Variants in SNX16 observed in about 807,000 individuals in gnomAD.
SNX16 encodes sorting nexin-16.
A neutral mutation model predicts 36.7 loss-of-function variants in SNX16; 35 were observed. The observed-to-expected ratio is 0.95, with a 90% CI of 0.73 to 1.27. SNX16 has a LOEUF of 1.27. Ranked by LOEUF, SNX16 falls within the 50% of genes most tolerant of loss-of-function variation. The probability of loss-of-function intolerance (pLI) is 0.00; values close to 1 mark genes in which losing one functional copy is unlikely to be tolerated. For synonymous variants in SNX16, 134 were observed against 132.0 expected, an observed-to-expected ratio of 1.02 and a Z score of -0.10; for missense variants, 367 against 393.6, an observed-to-expected ratio of 0.93 and a Z score of 0.57.
At chr8:81,808,688 C>T (rs555465969) in intron 5 of SNX16, 115 of 1,021,122 alleles carry the variant, frequency 1.1e-4, no homozygotes, top group African/African-American at 1.1e-3. Context: ...GTGGCTATGG[C>T]GGTTCCAGGA....
intron 2 of SNX16, 132 bp downstream of exon 2, chr8:81,839,480 G>T: frequency 1.0e-6 from 1 of 955,178 alleles, no homozygotes; most frequent in Non-Finnish European, 1.5e-6. Context: ...GAATTCAGTG[G>T]TGTAAAAACC....
intron 1 of SNX16, among the ~76,000 whole-genome samples, chr8:81,841,343 A>AG (rs992423085): frequency 1.4e-5 from 2 of 146,380 alleles, no homozygotes; most frequent in African/African-American, 5.1e-5. Flanking sequence ...CTCCGTCTCA[A>AG]AAAAAAAAAA....
intron 7 of SNX16, 99 bp from the exon 8 acceptor site, chr8:81,801,692 G>C: frequency 3.3e-6 from 2 of 603,868 alleles, no homozygotes; most frequent in Non-Finnish European, 5.2e-6. Context: ...CTACCTTATA[G>C]AAAATTTACA....
intron 5 of SNX16, among the ~76,000 whole-genome samples, chr8:81,806,963 CT>C (rs563397256): frequency 2.9e-3 from 437 of 151,624 alleles, no homozygotes; most frequent in South Asian, 4.0e-3. Context: ...AAAAAAAACC[CT>C]CCATATGCAA....
rs34583266 is a variant in SNX16 at position 81,833,172 on chromosome 8, C to CTT, written c.376-3658_376-3657dup. 1.6e-4 allele frequency among the ~76,000 whole-genome samples: 23 copies of CTT among 143,818 alleles called. No individual in the cohort carries two copies. In the South Asian group the frequency reaches 2.4e-3, roughly 15 times the overall value. The allele number at this position is 143,818 out of a possible 152,430, so 94.4% of individuals were successfully genotyped here. On this transcript the variant is annotated intron_variant, in intron 2 of 7. Coordinates refer to ENST00000345957, the MANE Select transcript of SNX16 (RefSeq NM_152836.3). ...ATTAATAAAATAATTTCACCTATTT[C>CTT]TTTTTTTTTTTAATGTGGCTCCTAA...
intron 4 of SNX16, among the ~76,000 whole-genome samples, chr8:81,817,344 G>T (rs1040958901): frequency 2.3e-4 from 35 of 152,080 alleles, no homozygotes; most frequent in Non-Finnish European, 4.3e-4. Flanking sequence ...TTATATCTTT[G>T]GTTTACAGTA....
At chr8:81,835,988 C>T (rs1811476852) in intron 2 of SNX16, among the ~76,000 whole-genome samples, 1 of 152,222 alleles carries the variant, frequency 6.6e-6, no homozygotes, top group Non-Finnish European at 1.5e-5. Context: ...TGCCTATCAG[C>T]TTGTAAAATC....
intron 5 of SNX16, among the ~76,000 whole-genome samples, chr8:81,812,645 G>C (rs1810313674): frequency 6.6e-6 from 1 of 151,894 alleles, no homozygotes; most frequent in African/African-American, 2.4e-5. Flanking sequence ...ACTAAACGAA[G>C]ATTATGAGAC....
Position 81,839,629 on chromosome 8 carries a change from C to G in SNX16, c.358G>C (p.Glu120Gln). 6.2e-7 allele frequency: 1 copy of G among 1,610,354 alleles called. No homozygotes were observed. The highest frequency in any genetic ancestry group is 1.1e-5 in the South Asian group (1 of 90,746). The change falls in exon 2 of 8, where the codon GAA becomes CAA. Residue 120 changes from glutamate (E) to glutamine (Q), a missense_variant. Coordinates refer to ENST00000345957, the MANE Select transcript of SNX16 (RefSeq NM_152836.3). Reference sequence around the variant, plus strand: ...ATACTTACAGTAAATTTAGCTCTTTCTTCCATCACTTCATAACCCAGTATA... The same window carrying G: ...ATACTTACAGTAAATTTAGCTCTTTGTTCCATCACTTCATAACCCAGTATA... ...PTILGYEVME[E>Q]RAKFTVYKIL... is the part of the protein sequence containing the mutation.
intron 2 of SNX16, among the ~76,000 whole-genome samples, chr8:81,836,469 A>G (rs1297702169): frequency 6.6e-6 from 1 of 152,212 alleles, no homozygotes; most frequent in Non-Finnish European, 1.5e-5. Context: ...TAGCATGTCT[A>G]AAAACAAATT....
intron 5 of SNX16, chr8:81,808,083 G>A (rs1177692632): frequency 4.0e-5 from 47 of 1,162,556 alleles, no homozygotes; most frequent in Non-Finnish European, 4.7e-5. Flanking sequence ...ACTTAACTGT[G>A]AAAAAGATAT....
At position 81,815,477 on chromosome 8, in the gene SNX16, TAC is replaced by T. The variant is rs986083934; in HGVS notation, c.612-85_612-84del. Reference sequence around the variant, plus strand: ...AAAAGCAAAAGTTACTTTGAAGCTGTACAGTGTTTTAAACAAGTTGGTTATGT... The same window carrying T: ...AAAAGCAAAAGTTACTTTGAAGCTGTAGTGTTTTAAACAAGTTGGTTATGT... On this transcript the variant is annotated intron_variant, in intron 4 of 7. Coordinates refer to ENST00000345957, the MANE Select transcript of SNX16 (RefSeq NM_152836.3). The T allele has an allele frequency of 5.0e-5, 54 of 1,088,062 alleles. No homozygotes were observed. In the African/African-American group the frequency reaches 7.5e-4, roughly 15 times the overall value. The allele number at this position is 1,088,062 out of a possible 1,614,324, so 67.4% of individuals were successfully genotyped here. A position where few individuals can be genotyped will look rare whatever the true frequency, so the allele number is the denominator to read the frequency against.
chr8:81,841,555 G>C (rs986642451), intron 1 of SNX16: 1 of 151,762 alleles, frequency 6.6e-6, no homozygotes, highest in African/African-American at 2.4e-5. Flanking sequence ...CGCCTGGCTG[G>C]GGGGAGGTCG....
At chr8:81,806,104 G>T (rs1412413838) in intron 5 of SNX16, among the ~76,000 whole-genome samples, 1 of 152,048 alleles carries the variant, frequency 6.6e-6, no homozygotes, top group Non-Finnish European at 1.5e-5. Context: ...AATCCAGATT[G>T]TTTTACAGGT....
intron 5 of SNX16, among the ~76,000 whole-genome samples, chr8:81,809,463 A>G (rs1354212053): frequency 6.6e-6 from 1 of 151,916 alleles, no homozygotes; most frequent in Non-Finnish European, 1.5e-5. Context: ...CCTGAGTGTG[A>G]AAAGCAAAAG....
rs79210643 is a variant in SNX16 at position 81,832,433 on chromosome 8, G to T, written c.376-2917C>A. 6.6e-3 allele frequency among the ~76,000 whole-genome samples: 1,003 copies of T among 152,182 alleles called. 5 individuals are homozygous for T. The highest frequency in any genetic ancestry group is 0.011 in the Non-Finnish European group (735 of 67,984). ...TCCTAGTGGAGAAGGATGAAGGGGGGAAGGAGTTGAAAAACTGTTGGGTAC... is the reference window on the plus strand; with the variant it reads ...TCCTAGTGGAGAAGGATGAAGGGGGTAAGGAGTTGAAAAACTGTTGGGTAC... On this transcript the variant is annotated intron_variant, in intron 2 of 7. Coordinates refer to ENST00000345957, the MANE Select transcript of SNX16 (RefSeq NM_152836.3).
intron 2 of SNX16, among the ~76,000 whole-genome samples, chr8:81,836,204 C>A (rs141863429): frequency 1.1e-4 from 17 of 152,234 alleles, no homozygotes; most frequent in African/African-American, 2.9e-4. Context: ...TTTAAACAAC[C>A]TTTTTAAAGA....
chr8:81,810,265 AATT>A (rs1305020501), intron 5 of SNX16, among the ~76,000 whole-genome samples: 4 of 152,168 alleles, frequency 2.6e-5, no homozygotes, highest in Non-Finnish European at 5.9e-5. Flanking sequence ...CCCTAATCTT[AATT>A]CCCTCTTTTA....
At chr8:81,828,986 A>T (rs1240128709) in intron 3 of SNX16, among the ~76,000 whole-genome samples, 2 of 152,198 alleles carry the variant, frequency 1.3e-5, no homozygotes, top group Non-Finnish European at 2.9e-5. Flanking sequence ...TGCCCAGCCC[A>T]GCTAACAGCT....
Sources: gnomAD v4.1 joint callset for allele counts (sites outside exome capture counted in the v4.1 genomes callset) on GRCh38, gnomAD v4.1.1 for gene constraint, MANE v1.5 for transcripts, NCBI Gene and HGNC (gene_info 2026-07-23, HGNC 2026-07-21) for gene names.